C1orf21: variants seen among roughly 807,000 people sequenced by gnomAD.
C1orf21 encodes the protein uncharacterized protein C1orf21.
C1orf21 carries 3 observed loss-of-function variants against 18.7 expected under a neutral mutation model. That is an observed-to-expected ratio of 0.16 (90% CI 0.07 to 0.42). The LOEUF is 0.42. C1orf21 is among the 10% of genes least tolerant of loss of function. The probability of loss-of-function intolerance (pLI) is 0.99; values close to 1 mark genes in which losing one functional copy is unlikely to be tolerated. For synonymous variants in C1orf21, 41 were observed against 46.4 expected (o/e 0.88, Z 0.47); for missense variants, 104 against 143.6 (o/e 0.72, Z 1.41).
intron 5 of C1orf21, among the ~76,000 whole-genome samples, chr1:184,607,277 C>T (rs1196717286): frequency 1.3e-5 from 2 of 152,122 alleles, no homozygotes; most frequent in African/African-American, 2.4e-5. Flanking sequence ...CACAGGGAGC[C>T]GGATGAGTAT....
intron 1 of C1orf21, among the ~76,000 whole-genome samples, chr1:184,430,124 A>T (rs1656716664): frequency 6.6e-6 from 1 of 152,060 alleles, no homozygotes; most frequent in South Asian, 2.1e-4. Flanking sequence ...AAAAAAAAAA[A>T]AAAAAAAAAT....
intron 3 of C1orf21, among the ~76,000 whole-genome samples, chr1:184,574,202 C>G (rs1433483850): frequency 6.6e-6 from 1 of 152,060 alleles, no homozygotes; most frequent in Non-Finnish European, 1.5e-5. Context: ...AAGACTCTGT[C>G]TCAAAACGAA....
At chr1:184,486,913 A>G (rs1428269681) in intron 2 of C1orf21, among the ~76,000 whole-genome samples, 4 of 152,196 alleles carry the variant, frequency 2.6e-5, no homozygotes, top group East Asian at 3.9e-4. Flanking sequence ...GTTTTCTTCA[A>G]TTACTCCCTT....
chr1:184,573,006 C>T (rs1448284963), intron 3 of C1orf21, among the ~76,000 whole-genome samples: 1 of 151,376 alleles, frequency 6.6e-6, no homozygotes, highest in Admixed American at 6.6e-5. Flanking sequence ...GTATGTAAGT[C>T]TCATGGTGTA....
In C1orf21 at chr1:184,401,210, T is replaced by G. The variant is rs1656146243; in HGVS notation, c.-125+13842T>G. ...TAGAATTGTGGGTCTTTTTCCATTT[T>G]ATTTTATTTTACTTATTTTTATTTT... On this transcript the variant is annotated intron_variant, in intron 1 of 5. Coordinates refer to ENST00000235307, the MANE Select transcript of C1orf21 (RefSeq NM_030806.4). Among the ~76,000 whole-genome samples the G allele has an allele frequency of 2.0e-5, 3 of 152,150 alleles. No homozygotes were observed. In the South Asian group the frequency reaches 6.2e-4, roughly 32 times the overall value.
chr1:184,547,590 G>A (rs1191396749), intron 3 of C1orf21, among the ~76,000 whole-genome samples: 10 of 152,036 alleles, frequency 6.6e-5, no homozygotes, highest in Non-Finnish European at 2.9e-5. Flanking sequence ...ACGTGTGCAC[G>A]CACATGCACA....
At chr1:184,402,587 A>C (rs542269955) in intron 1 of C1orf21, among the ~76,000 whole-genome samples, 2 of 150,852 alleles carry the variant, frequency 1.3e-5, no homozygotes, top group African/African-American at 4.9e-5. Context: ...ACTGCACTCC[A>C]GCCTGGGTGA....
At chr1:184,590,015 G>T (rs1046334101) in intron 3 of C1orf21, among the ~76,000 whole-genome samples, 1 of 152,064 alleles carries the variant, frequency 6.6e-6, no homozygotes, top group African/African-American at 2.4e-5. Flanking sequence ...CATTTCAGGG[G>T]TATGTTTTGT....
chr1:184,500,918 C>A (rs533242932), intron 2 of C1orf21, among the ~76,000 whole-genome samples: 1 of 152,144 alleles, frequency 6.6e-6, no homozygotes, highest in African/African-American at 2.4e-5. Flanking sequence ...GGCAGCTGAC[C>A]CTTCTTCCCT....
At chr1:184,587,739 C>G (rs180707306) in intron 3 of C1orf21, among the ~76,000 whole-genome samples, 4 of 151,622 alleles carry the variant, frequency 2.6e-5, no homozygotes, top group East Asian at 1.9e-4. Context: ...CCTTAGCCCC[C>G]CAAGTAGCTG....
chr1:184,573,217 A>G (rs890524372), intron 3 of C1orf21, among the ~76,000 whole-genome samples: 2 of 152,196 alleles, frequency 1.3e-5, no homozygotes, highest in South Asian at 4.1e-4. Context: ...TTACCCCGAG[A>G]TAACTTTCAT....
At chr1:184,438,658 G>A (rs976526679) in intron 1 of C1orf21, among the ~76,000 whole-genome samples, 16 of 152,134 alleles carry the variant, frequency 1.1e-4, no homozygotes, top group African/African-American at 3.9e-4. Context: ...AAAATCCATC[G>A]GCAGGTAGCT....
intron 1 of C1orf21, among the ~76,000 whole-genome samples, chr1:184,451,242 G>A (rs1174473861): frequency 6.6e-6 from 1 of 151,928 alleles, no homozygotes; most frequent in Non-Finnish European, 1.5e-5. Flanking sequence ...TGCCATGTCT[G>A]TTCTTTTAAC....
chr1:184,468,032 G>A (rs1277955568), intron 1 of C1orf21, among the ~76,000 whole-genome samples: 2 of 151,874 alleles, frequency 1.3e-5, no homozygotes, highest in Admixed American at 6.6e-5. Flanking sequence ...GAGAGAAACA[G>A]ACAGACAAAG....
chr1:184,546,410 G>A (rs989241335), intron 3 of C1orf21, among the ~76,000 whole-genome samples: 2 of 152,202 alleles, frequency 1.3e-5, no homozygotes, highest in Admixed American at 6.5e-5. Flanking sequence ...ACTCCAGCCT[G>A]GGTGAAGGAG....
intron 1 of C1orf21, among the ~76,000 whole-genome samples, chr1:184,443,367 C>G (rs1214370787): frequency 1.3e-5 from 2 of 152,050 alleles, no homozygotes; most frequent in Non-Finnish European, 2.9e-5. Flanking sequence ...GGTTTTAAAT[C>G]CAAGTTTTGT....
chr1:184,442,781 G>A (rs1383227598), intron 1 of C1orf21, among the ~76,000 whole-genome samples: 1 of 151,996 alleles, frequency 6.6e-6, no homozygotes, highest in Non-Finnish European at 1.5e-5. Context: ...ATTCTGTGCT[G>A]AATAAAACTA....
rs547152917 is a variant in C1orf21, at chr1:184,523,924, T to C, written c.189+16242T>C. On this transcript the variant is annotated intron_variant, in intron 3 of 5. Transcript: ENST00000235307. ...TTGAGACAAAAAGGTTTTTTTGATA[T>C]GTACTCCAAATGAGCCTCCCTCCAA... Among the ~76,000 whole-genome samples, 3 of 152,306 alleles carry C rather than the reference T, an allele frequency of 2.0e-5. No homozygotes were observed. The South Asian group carries it at 6.2e-4, about 32-fold the overall frequency.
chr1:184,513,831 T>A (rs1658186085), intron 3 of C1orf21, among the ~76,000 whole-genome samples: 1 of 152,230 alleles, frequency 6.6e-6, no homozygotes, highest in Non-Finnish European at 1.5e-5. Context: ...TACTAAAAGC[T>A]TGGTGTTAAA....
Sources: gnomAD v4.1 joint callset for allele counts (sites outside exome capture counted in the v4.1 genomes callset) on GRCh38, gnomAD v4.1.1 for gene constraint, MANE v1.5 for transcripts, NCBI Gene and HGNC (gene_info 2026-07-23, HGNC 2026-07-21) for gene names.